Variants in BLM observed in about 807,000 individuals in gnomAD.
BLM encodes recQ-like DNA helicase BLM.
Under a neutral mutation model 135.3 loss-of-function variants are expected in BLM, and 95 were observed. The ratio of observed to expected loss-of-function variants is 0.70; its 90% CI spans 0.59 to 0.83. The LOEUF (loss-of-function observed/expected upper bound fraction) is 0.83. BLM is among the 40% of genes least tolerant of loss of function. The probability of loss-of-function intolerance (pLI) is 0.00; values close to 1 mark genes in which losing one functional copy is unlikely to be tolerated. For synonymous variants in BLM, 520 were observed against 589.2 expected (o/e 0.88, Z 1.70); for missense variants, 1,518 against 1,663.9 (o/e 0.91, Z 1.53).
At chr15:90,806,972 C>T (rs1897299844) in intron 19 of BLM, among the ~76,000 whole-genome samples, 1 of 152,220 alleles carries the variant, frequency 6.6e-6, no homozygotes, top group African/African-American at 2.4e-5. Flanking sequence ...TTATTATCCA[C>T]AGCTGTGTGC....
Position 90,754,950 on chromosome 15 carries a change from A to G in BLM, c.1087+12A>G, listed in dbSNP as rs1320861616. 2 of 1,613,366 alleles carry G rather than the reference A, an allele frequency of 1.2e-6. No individual in the cohort carries two copies. Among genetic ancestry groups the G allele is most frequent in the African/African-American group, 2.7e-5 (2 of 74,930 alleles). On this transcript the variant is annotated intron_variant, in intron 5 of 21. Transcript: ENST00000355112. The stretch of plus-strand genomic sequence containing the variant: ...CACAGACTGTGACGGTACAAGCAAT[A>G]TTTTAGACATACCATGTATTTCAAC...
intron 1 of BLM, among the ~76,000 whole-genome samples, chr15:90,718,501 C>T (rs1339666300): frequency 2.6e-5 from 4 of 152,140 alleles, no homozygotes; most frequent in African/African-American, 7.2e-5. Context: ...GACAGGAATT[C>T]GAGAGACTGC....
chr15:90,815,090 GT>G lies in BLM; in HGVS notation c.4077-11del. On this transcript the variant is annotated splice_polypyrimidine_tract_variant and intron_variant, in intron 21 of 21. Coordinates refer to ENST00000355112, the MANE Select transcript of BLM (RefSeq NM_000057.4). The surrounding 1 kb of genome is among the most constrained non-coding windows in gnomAD (Gnocchi z 4.6). Reference sequence around the variant, plus strand: ...ATTTAACATTTTGATTTTTTTCTTTGTCACATTTCAGGGGGTCTGCCACATG... The same window carrying G: ...ATTTAACATTTTGATTTTTTTCTTTGCACATTTCAGGGGGTCTGCCACATG... 1 of 1,613,176 alleles carries G rather than the reference GT, an allele frequency of 6.2e-7. No homozygotes were observed. The highest frequency in any genetic ancestry group is 8.5e-7 in the Non-Finnish European group (1 of 1,179,850).
intron 21 of BLM, among the ~76,000 whole-genome samples, chr15:90,814,540 C>A (rs1185440483): frequency 1.3e-5 from 2 of 152,120 alleles, no homozygotes; most frequent in African/African-American, 4.8e-5. Flanking sequence ...ACGGTCCTAA[C>A]AGAAGGCCGC....
intron 1 of BLM, among the ~76,000 whole-genome samples, chr15:90,725,407 TAG>T (rs1274711576): frequency 2.0e-5 from 3 of 152,220 alleles, no homozygotes; most frequent in African/African-American, 7.2e-5. Flanking sequence ...TCATGTATAG[TAG>T]TATTTTCTGG....
intron 12 of BLM, among the ~76,000 whole-genome samples, chr15:90,775,475 T>TTA (rs937354406): frequency 2.0e-5 from 3 of 148,656 alleles, no homozygotes; most frequent in African/African-American, 7.4e-5. Flanking sequence ...TATATGTATT[T>TTA]TATATATATG....
At chr15:90,729,255 T>C (rs1020975809) in intron 1 of BLM, among the ~76,000 whole-genome samples, 4 of 152,024 alleles carry the variant, frequency 2.6e-5, no homozygotes, top group African/African-American at 9.7e-5. Flanking sequence ...GGTTGCAGTT[T>C]GCCGAGATCG....
At position 90,810,214 on chromosome 15, in the gene BLM, G is replaced by A. The variant is rs547242400; in HGVS notation, c.3874+955G>A. 9.2e-5 allele frequency among the ~76,000 whole-genome samples: 14 copies of A among 151,994 alleles called. No individual in the cohort carries two copies. The East Asian group carries it at 2.7e-3, about 29-fold the overall frequency. On this transcript the variant is annotated intron_variant, in intron 20 of 21. Transcript: ENST00000355112. Reference sequence around the variant, plus strand: ...ACTACAGGCATGCACCACCACACCTGACTTATTTTTGTATTTTTTTGGTAG... The same window carrying A: ...ACTACAGGCATGCACCACCACACCTAACTTATTTTTGTATTTTTTTGGTAG...
chr15:90,756,562 T>C (rs1895826031), intron 5 of BLM, among the ~76,000 whole-genome samples: 1 of 152,220 alleles, frequency 6.6e-6, no homozygotes, highest in African/African-American at 2.4e-5. Context: ...AACTGCATTA[T>C]ACTGTCTCTG....
intron 12 of BLM, among the ~76,000 whole-genome samples, chr15:90,774,822 A>T (rs1215886213): frequency 6.6e-6 from 1 of 152,022 alleles, no homozygotes; most frequent in Non-Finnish European, 1.5e-5. Flanking sequence ...AAAAAAAAAA[A>T]AAGTACAGGT....
intron 4 of BLM, among the ~76,000 whole-genome samples, chr15:90,752,882 C>T (rs1414047020): frequency 1.3e-5 from 2 of 152,148 alleles, no homozygotes; most frequent in Non-Finnish European, 2.9e-5. Flanking sequence ...GGTGAAACAG[C>T]TGAGGCCCAG....
chr15:90,773,048 G>T (rs1896365678), intron 12 of BLM, among the ~76,000 whole-genome samples: 2 of 130,884 alleles, frequency 1.5e-5, no homozygotes, highest in Admixed American at 8.9e-5. Flanking sequence ...AGGGAGCCGA[G>T]ATTGCACCAC....
intron 14 of BLM, among the ~76,000 whole-genome samples, chr15:90,787,024 CT>C (rs1896766435): frequency 1.6e-5 from 2 of 127,836 alleles, no homozygotes; most frequent in Admixed American, 8.3e-5. Context: ...GCTGAAAATA[CT>C]TTAGGCATCT....
intron 19 of BLM, among the ~76,000 whole-genome samples, chr15:90,804,939 C>T (rs28745040): frequency 0.15 from 23,382 of 152,052 alleles, 1,914 homozygotes; most frequent in Non-Finnish European, 0.19. Flanking sequence ...CAGGTTCAAG[C>T]GATTCTTCTG....
chr15:90,760,660 A>T lies in BLM; in HGVS notation c.1287A>T (p.Arg429Ser), dbSNP rs1895949043. Residue 429 changes from arginine to serine, a missense_variant, in exon 7 of 22, where the codon AGA (arginine) becomes AGT (serine). Arg to Ser is a moderately radical substitution (Grantham distance 110, BLOSUM62 -1). Transcript: ENST00000355112. ...SDASLLGSLW[R>S]YRPDSLDGPM... The stretch of plus-strand genomic sequence containing the variant: ...CCAGTCTTCTTGGCTCATTGTGGAG[A>T]TACAGGCCTGATTCACTTGATGGCC... The T allele has an allele frequency of 6.2e-7, 1 of 1,613,864 alleles. No individual in the cohort carries two copies. Among genetic ancestry groups the T allele is most frequent in the South Asian group, 1.1e-5 (1 of 91,088 alleles).
At chr15:90,762,145 A>C (rs2151159867) in intron 7 of BLM, among the ~76,000 whole-genome samples, 1 of 152,302 alleles carries the variant, frequency 6.6e-6, no homozygotes, top group South Asian at 2.1e-4. Flanking sequence ...ATCTTGAGAC[A>C]GTTGAGTGTT....
intron 19 of BLM, 65 bp downstream of exon 19, chr15:90,804,424 G>A (rs1897241414): frequency 6.7e-7 from 1 of 1,489,050 alleles, no homozygotes; most frequent in Admixed American, 1.7e-5. Context: ...ATCTTGCTAG[G>A]GAACTCCTTA....
chr15:90,728,495 C>A (rs1352045092), intron 1 of BLM, among the ~76,000 whole-genome samples: 2 of 152,196 alleles, frequency 1.3e-5, no homozygotes, highest in Non-Finnish European at 2.9e-5. Flanking sequence ...CTTCCAGGCT[C>A]AAGCAATATT....
chr15:90,795,973 G>C (rs985647775), intron 16 of BLM, among the ~76,000 whole-genome samples: 13 of 152,270 alleles, frequency 8.5e-5, no homozygotes, highest in African/African-American at 3.1e-4. Flanking sequence ...AAGAAGCTTT[G>C]GCTAGAGCAA....
Sources: allele counts gnomAD v4.1 joint callset (sites outside exome capture counted in the v4.1 genomes callset), GRCh38; gene constraint gnomAD v4.1.1; non-coding constraint Gnocchi (gnomAD v3.1); transcripts MANE v1.5; gene names NCBI Gene and HGNC (gene_info 2026-07-23, HGNC 2026-07-21).